TASP1: variants seen among roughly 807,000 people sequenced by gnomAD.
TASP1 encodes taspase 1.
TASP1 carries 16 observed loss-of-function variants against 56.6 expected under a neutral mutation model. The observed-to-expected ratio is 0.28, with a 90% CI of 0.19 to 0.43. The LOEUF is 0.43. TASP1 is among the 20% of genes least tolerant of loss of function. The pLI is 1.00. For missense variants in TASP1, 393 were observed against 511.6 expected (o/e 0.77, Z 2.24); for synonymous variants, 179 against 184.2 (o/e 0.97, Z 0.23).
chr20:13,222,705 A>G, the TASP1 span, among the ~76,000 whole-genome samples: 1 of 152,218 alleles, frequency 6.6e-6, no homozygotes, highest in Non-Finnish European at 1.5e-5. Flanking sequence ...ACGGTCAGAC[A>G]TAATGTGAGT....
At chr20:13,108,727 A>G in the TASP1 span, among the ~76,000 whole-genome samples, 7 of 152,084 alleles carry the variant, frequency 4.6e-5, no homozygotes, top group Non-Finnish European at 1.0e-4. Flanking sequence ...GGTGCCTACC[A>G]CCATACCCAC....
chr20:13,610,131 T>G (rs2048301836), intron 4 of TASP1, among the ~76,000 whole-genome samples: 1 of 152,204 alleles, frequency 6.6e-6, no homozygotes, highest in African/African-American at 2.4e-5. Flanking sequence ...GAAGAGCAAC[T>G]GCTTGATGAG....
intron 13 of TASP1, among the ~76,000 whole-genome samples, chr20:13,400,063 C>T (rs1026148972): frequency 1.3e-5 from 2 of 152,208 alleles, no homozygotes; most frequent in Admixed American, 1.3e-4. Flanking sequence ...CCTTCCCTAG[C>T]TTCACATCTC....
At chr20:13,545,215 A>C (rs145917785) in intron 8 of TASP1, among the ~76,000 whole-genome samples, 46 of 152,340 alleles carry the variant, frequency 3.0e-4, no homozygotes, top group African/African-American at 1.1e-3. Context: ...TCCTCAATAG[A>C]TCTTATTAGA....
the TASP1 span, among the ~76,000 whole-genome samples, chr20:13,266,687 G>C: frequency 1.3e-5 from 2 of 152,152 alleles, no homozygotes; most frequent in African/African-American, 2.4e-5. Context: ...GAATTCAATG[G>C]CATTTTGGAA....
intron 10 of TASP1, among the ~76,000 whole-genome samples, chr20:13,512,351 A>G (rs57782755): frequency 0.2 from 29,586 of 150,636 alleles, 3,140 homozygotes; most frequent in Middle Eastern, 0.27. Context: ...TTTATCTGAT[A>G]AGCAGTGATG....
chr20:13,219,555 A>T, the TASP1 span, among the ~76,000 whole-genome samples: 1 of 151,314 alleles, frequency 6.6e-6, no homozygotes, highest in Non-Finnish European at 1.5e-5. Flanking sequence ...CAAAGCAAGC[A>T]CCCCTCCAAA....
chr20:13,350,856 C>A, the TASP1 span, among the ~76,000 whole-genome samples: 1 of 151,670 alleles, frequency 6.6e-6, no homozygotes, highest in Admixed American at 6.6e-5. Context: ...CATACCACCA[C>A]ATCCAGCTAA....
At position 13,625,238 on chromosome 20, in the gene TASP1, AATG is replaced by A. The variant is rs2048848075; in HGVS notation, c.157_159del (p.His53del). The A allele has an allele frequency of 6.2e-7, 1 of 1,609,936 alleles. No homozygotes were observed. On this transcript the variant is annotated inframe_deletion, in exon 3 of 14. Transcript: ENST00000337743. ...TTATACTCCTTGGCTTTGGATTCAG[AATG>A]ATAACCTGCACCTAAAGTAGAAAAT...
chr20:13,604,221 C>A (rs773593826), intron 4 of TASP1, among the ~76,000 whole-genome samples: 16 of 152,114 alleles, frequency 1.1e-4, no homozygotes, highest in Non-Finnish European at 2.2e-4. Context: ...GAAATGTGAC[C>A]TCCAACGTTG....
chr20:13,444,481 A>G (rs1472971860), intron 11 of TASP1, among the ~76,000 whole-genome samples: 1 of 152,208 alleles, frequency 6.6e-6, no homozygotes, highest in Non-Finnish European at 1.5e-5. Context: ...CAGGTGAGCG[A>G]GAAAATACTG....
At chr20:13,211,046 A>G in the TASP1 span, among the ~76,000 whole-genome samples, 22 of 136,986 alleles carry the variant, frequency 1.6e-4, no homozygotes, top group African/African-American at 6.2e-4. Flanking sequence ...TATGTAAAAC[A>G]AGGAAAGAGG....
intron 11 of TASP1, among the ~76,000 whole-genome samples, chr20:13,461,269 C>A (rs1270763212): frequency 6.6e-6 from 1 of 152,184 alleles, no homozygotes; most frequent in African/African-American, 2.4e-5. Context: ...CATTTTCTAT[C>A]CACCTTTTGT....
At chr20:13,351,883 T>C in the TASP1 span, among the ~76,000 whole-genome samples, 2 of 152,246 alleles carry the variant, frequency 1.3e-5, no homozygotes, top group African/African-American at 4.8e-5. Context: ...TGTATCCAAT[T>C]CTGTAGCCAC....
intron 13 of TASP1, among the ~76,000 whole-genome samples, chr20:13,396,382 A>G (rs1202843290): frequency 6.6e-6 from 1 of 152,248 alleles, no homozygotes; most frequent in Non-Finnish European, 1.5e-5. Flanking sequence ...ACAGTTTCAC[A>G]TGAACCTTCT....
chr20:13,517,956 T>G (rs542264292), intron 10 of TASP1, among the ~76,000 whole-genome samples: 1 of 152,142 alleles, frequency 6.6e-6, no homozygotes, highest in Non-Finnish European at 1.5e-5. Flanking sequence ...TAAATGAATA[T>G]TATTTTTCCC....
At chr20:13,525,881 C>A (rs772386916) in intron 10 of TASP1, among the ~76,000 whole-genome samples, 2 of 152,080 alleles carry the variant, frequency 1.3e-5, no homozygotes, top group Non-Finnish European at 2.9e-5. Context: ...TTTTAGCTTG[C>A]GAAGAGTATA....
chr20:13,183,687 C>A, the TASP1 span, among the ~76,000 whole-genome samples: 1 of 151,958 alleles, frequency 6.6e-6, no homozygotes, highest in Non-Finnish European at 1.5e-5. Flanking sequence ...TAACAATGAA[C>A]AATGGCAGAT....
intron 6 of TASP1, among the ~76,000 whole-genome samples, chr20:13,576,942 C>T (rs1396253170): frequency 6.6e-6 from 1 of 152,192 alleles, no homozygotes; most frequent in East Asian, 1.9e-4. Context: ...ACTCCCTCTT[C>T]CCCTGAGGTA....
Sources: allele counts gnomAD v4.1 joint callset (sites outside exome capture counted in the v4.1 genomes callset), GRCh38; gene constraint gnomAD v4.1.1; transcripts MANE v1.5; gene names NCBI Gene and HGNC (gene_info 2026-07-23, HGNC 2026-07-21).